The following SDK1 variants were observed in gnomAD, a reference collection of about 807,000 sequenced individuals.
SDK1 encodes the protein sidekick cell adhesion molecule 1.
Under a neutral mutation model 245.5 loss-of-function variants are expected in SDK1, and 157 were observed. The ratio of observed to expected loss-of-function variants is 0.64; its 90% CI spans 0.56 to 0.73. The LOEUF (loss-of-function observed/expected upper bound fraction) is 0.73, where lower values mean the gene tolerates loss of function less well. Ranked by LOEUF, SDK1 falls within the 30% of genes least tolerant of loss-of-function variation. The probability of loss-of-function intolerance (pLI) is 0.00; values close to 1 mark genes in which losing one functional copy is unlikely to be tolerated. For synonymous variants in SDK1, 1,647 were observed against 1,278.5 expected (o/e 1.29, Z -6.15); for missense variants, 3,583 against 3,002.3 (o/e 1.19, Z -4.52).
At chr7:4,144,123 G>C (rs369272420) in intron 28 of SDK1, among the ~76,000 whole-genome samples, 2 of 151,958 alleles carry the variant, frequency 1.3e-5, no homozygotes, top group Non-Finnish European at 2.9e-5. Flanking sequence ...ACAGGGGTGT[G>C]GGGGAAGGGG....
intron 2 of SDK1, among the ~76,000 whole-genome samples, chr7:3,630,500 G>A (rs999763573): frequency 6.6e-6 from 1 of 152,220 alleles, no homozygotes; most frequent in Admixed American, 6.5e-5. Flanking sequence ...GATGGGCATG[G>A]TGGTGCATGC....
At chr7:4,129,180 G>C (rs998846458) in intron 26 of SDK1, among the ~76,000 whole-genome samples, 4 of 145,260 alleles carry the variant, frequency 2.8e-5, no homozygotes, top group Non-Finnish European at 6.1e-5. Context: ...GAGCACCTTG[G>C]GGTAGGGTGC....
intron 1 of SDK1, among the ~76,000 whole-genome samples, chr7:3,426,760 C>T (rs368686674): frequency 2.0e-4 from 30 of 152,140 alleles, no homozygotes; most frequent in African/African-American, 5.3e-4. Flanking sequence ...AAATTAATTC[C>T]GTTTATTCTT....
At chr7:4,242,456 A>G (rs1786588697) in intron 43 of SDK1, among the ~76,000 whole-genome samples, 1 of 152,162 alleles carries the variant, frequency 6.6e-6, no homozygotes, top group African/African-American at 2.4e-5. Context: ...TCCAGCAGGA[A>G]GCAGGGTTTC....
rs373117483 is a variant in SDK1, at chr7:4,130,073, A to G, written c.4105A>G (p.Ile1369Val). 8.7e-6 allele frequency: 14 copies of G among 1,607,834 alleles called. No homozygotes were observed. Among genetic ancestry groups the G allele is most frequent in the Non-Finnish European group, 1.1e-5 (13 of 1,176,138 alleles). Residue 1369 changes from isoleucine (I) to valine (V), a missense_variant, in exon 27 of 45, where the codon ATC (isoleucine) becomes GTC (valine). Transcript: ENST00000404826. ...IGNGVPSTPL[I>V]LERTKDDAPG... Reference sequence around the variant, plus strand: ...GAACGGGGTCCCCAGCACGCCCCTCATCCTGGAGCGCACCAAAGACGATGG... The same window carrying G: ...GAACGGGGTCCCCAGCACGCCCCTCGTCCTGGAGCGCACCAAAGACGATGG...
intron 22 of SDK1, among the ~76,000 whole-genome samples, chr7:4,102,623 G>A (rs925095236): frequency 6.6e-6 from 1 of 152,140 alleles, no homozygotes; most frequent in Non-Finnish European, 1.5e-5. Context: ...CCTCCGGAGT[G>A]CTGAGCTCAC....
intron 4 of SDK1, among the ~76,000 whole-genome samples, chr7:3,786,886 A>G (rs1780918233): frequency 6.6e-6 from 1 of 151,998 alleles, no homozygotes; most frequent in Admixed American, 6.6e-5. Flanking sequence ...CACCCCCACC[A>G]ACACACTAAT....
At chr7:3,580,302 C>T (rs1158637142) in intron 1 of SDK1, among the ~76,000 whole-genome samples, 2 of 152,132 alleles carry the variant, frequency 1.3e-5, no homozygotes, top group African/African-American at 2.4e-5. Context: ...TTTTAAAATT[C>T]ACATGGAACC....
intron 4 of SDK1, among the ~76,000 whole-genome samples, chr7:3,777,930 C>G (rs938920255): frequency 6.6e-6 from 1 of 152,142 alleles, no homozygotes; most frequent in Non-Finnish European, 1.5e-5. Flanking sequence ...ACAATAAAAG[C>G]CACAGCTTCA....
intron 1 of SDK1, among the ~76,000 whole-genome samples, chr7:3,485,613 T>TA (rs1781660003): frequency 6.6e-6 from 1 of 151,740 alleles, no homozygotes; most frequent in Non-Finnish European, 1.5e-5. Flanking sequence ...TTTTAGCTGT[T>TA]ATGAAAATGC....
rs763666977 is a variant in SDK1, at chr7:3,804,380, A to T, written c.714-17070A>T. Among the ~76,000 whole-genome samples, 16 of 152,288 alleles carry T rather than the reference A, an allele frequency of 1.1e-4. No individual in the cohort carries two copies. The South Asian group carries it at 1.5e-3, about 14-fold the overall frequency. ...TCACAGATTGGTTTTTGCCCTTTGTAAAAAATCTTTTGGCCCTACTGTTAC... is the reference window on the plus strand; with the variant it reads ...TCACAGATTGGTTTTTGCCCTTTGTTAAAAATCTTTTGGCCCTACTGTTAC... On this transcript the variant is annotated intron_variant, in intron 4 of 44. Coordinates refer to ENST00000404826, the MANE Select transcript of SDK1 (RefSeq NM_152744.4).
At chr7:3,906,399 T>TGTGTGTGA (rs373402283) in intron 5 of SDK1, among the ~76,000 whole-genome samples, 14 of 150,024 alleles carry the variant, frequency 9.3e-5, no homozygotes, top group African/African-American at 3.4e-4. Flanking sequence ...TGTGTGTGTG[T>TGTGTGTGA]GAGAGAGAGA....
At chr7:3,645,425 G>T (rs1562627130) in intron 4 of SDK1, among the ~76,000 whole-genome samples, 1 of 152,070 alleles carries the variant, frequency 6.6e-6, no homozygotes. Context: ...TTAAGTACCT[G>T]CTGTGCAAGA....
intron 5 of SDK1, among the ~76,000 whole-genome samples, chr7:3,871,777 G>A (rs1780963380): frequency 6.6e-6 from 1 of 152,140 alleles, no homozygotes; most frequent in African/African-American, 2.4e-5. Flanking sequence ...CCACCCACCA[G>A]GCCCCACCTC....
At chr7:3,941,316 C>T (rs1049770176) in intron 5 of SDK1, among the ~76,000 whole-genome samples, 8 of 152,084 alleles carry the variant, frequency 5.3e-5, no homozygotes, top group Admixed American at 2.6e-4. Flanking sequence ...GTGCTCCCAC[C>T]CGCTCTAGAC....
chr7:3,787,180 A>ACT (rs1554262336), intron 4 of SDK1, among the ~76,000 whole-genome samples: 2 of 151,518 alleles, frequency 1.3e-5, no homozygotes, highest in Non-Finnish European at 2.9e-5. Context: ...ACACACACAC[A>ACT]CACACACTCC....
intron 32 of SDK1, among the ~76,000 whole-genome samples, chr7:4,172,962 A>T (rs1180670430): frequency 6.6e-6 from 1 of 152,138 alleles, no homozygotes; most frequent in Non-Finnish European, 1.5e-5. Flanking sequence ...CTGTTTCCAA[A>T]TAAGGTCAGG....
intron 1 of SDK1, among the ~76,000 whole-genome samples, chr7:3,434,869 A>T (rs989087902): frequency 1.8e-4 from 27 of 152,154 alleles, no homozygotes; most frequent in Non-Finnish European, 3.8e-4. Flanking sequence ...CAGAAAACTG[A>T]GATACAGGTT....
At chr7:3,851,332 T>C (rs978006230) in intron 5 of SDK1, among the ~76,000 whole-genome samples, 5 of 152,208 alleles carry the variant, frequency 3.3e-5, no homozygotes, top group Non-Finnish European at 7.3e-5. Flanking sequence ...TCTATTTTCA[T>C]ATTTCTTAGA....
Sources: allele counts gnomAD v4.1 joint callset (sites outside exome capture counted in the v4.1 genomes callset), GRCh38; gene constraint gnomAD v4.1.1; transcripts MANE v1.5; gene names NCBI Gene and HGNC (gene_info 2026-07-23, HGNC 2026-07-21).